The following KCNB2 variants were observed in gnomAD, a reference collection of about 807,000 sequenced individuals.
The protein encoded by KCNB2 is delayed rectifier potassium channel protein.
In KCNB2, 15 loss-of-function variants were observed where a neutral mutation model predicts 61.5. The ratio of observed to expected loss-of-function variants is 0.24; its 90% confidence interval spans 0.16 to 0.38. The LOEUF is 0.38. Ranked by LOEUF, KCNB2 falls within the 10% of genes least tolerant of loss-of-function variation. The pLI is 1.00. For missense variants in KCNB2, 828 were observed against 1,125.2 expected, an observed-to-expected ratio of 0.74 and a Z score of 3.78; for synonymous variants, 457 against 446.0, an observed-to-expected ratio of 1.02 and a Z score of -0.31.
At chr8:72,892,710 C>G (rs1306141327) in intron 2 of KCNB2, among the ~76,000 whole-genome samples, 1 of 152,142 alleles carries the variant, frequency 6.6e-6, no homozygotes, top group Non-Finnish European at 1.5e-5. Context: ...CCGTTTCCTT[C>G]TCCTATACTA....
intron 2 of KCNB2, among the ~76,000 whole-genome samples, chr8:72,712,453 G>T (rs1243106280): frequency 2.0e-5 from 3 of 152,172 alleles, no homozygotes; most frequent in Non-Finnish European, 4.4e-5. Flanking sequence ...TCTATGGGCT[G>T]GTCCTGTGAC....
At chr8:72,925,272 T>G (rs1473582035) in intron 2 of KCNB2, among the ~76,000 whole-genome samples, 2 of 152,214 alleles carry the variant, frequency 1.3e-5, no homozygotes, top group Non-Finnish European at 2.9e-5. Context: ...AATGGCACTT[T>G]AATTCTGGAA....
chr8:72,632,726 G>A (rs1229082628), intron 2 of KCNB2, among the ~76,000 whole-genome samples: 2 of 152,146 alleles, frequency 1.3e-5, no homozygotes, highest in Non-Finnish European at 2.9e-5. Flanking sequence ...CAGAACCAAT[G>A]CTGTTAATGG....
chr8:72,654,590 A>T (rs1310795819), intron 2 of KCNB2, among the ~76,000 whole-genome samples: 3 of 152,172 alleles, frequency 2.0e-5, no homozygotes, highest in Admixed American at 2.0e-4. Context: ...AAACAATAAA[A>T]TGATAGGTAC....
chr8:72,603,851 A>G (rs939730635), intron 2 of KCNB2, among the ~76,000 whole-genome samples: 3 of 152,176 alleles, frequency 2.0e-5, no homozygotes, highest in African/African-American at 7.2e-5. Context: ...AGACACAGGG[A>G]GCATGCCATA....
At chr8:72,796,199 T>C (rs1809028676) in intron 2 of KCNB2, among the ~76,000 whole-genome samples, 1 of 152,194 alleles carries the variant, frequency 6.6e-6, no homozygotes. Flanking sequence ...GGTTTGTTTG[T>C]CGTGGGGTGA....
chr8:72,652,050 C>G (rs1292086364), intron 2 of KCNB2, among the ~76,000 whole-genome samples: 3 of 152,082 alleles, frequency 2.0e-5, no homozygotes, highest in Non-Finnish European at 4.4e-5. Context: ...AATTTCATCT[C>G]CATAATCTAC....
At chr8:72,909,616 T>C (rs1806248062) in intron 2 of KCNB2, among the ~76,000 whole-genome samples, 1 of 151,752 alleles carries the variant, frequency 6.6e-6, no homozygotes, top group Non-Finnish European at 1.5e-5. Context: ...GAGCAAGAAA[T>C]GGGAGGAAAG....
intron 2 of KCNB2, among the ~76,000 whole-genome samples, chr8:72,666,595 T>C (rs774753298): frequency 5.9e-5 from 9 of 152,054 alleles, no homozygotes; most frequent in Non-Finnish European, 1.0e-4. Context: ...CAGTAAGTTG[T>C]CTGAAATGTG....
intron 1 of KCNB2, among the ~76,000 whole-genome samples, chr8:72,540,534 A>G (rs1269759700): frequency 6.6e-6 from 1 of 152,038 alleles, no homozygotes; most frequent in African/African-American, 2.4e-5. Context: ...TTTTAAGGCT[A>G]GAGATTATGG....
chr8:72,622,307 G>A (rs534188843), intron 2 of KCNB2, among the ~76,000 whole-genome samples: 4 of 152,070 alleles, frequency 2.6e-5, no homozygotes, highest in African/African-American at 7.2e-5. Context: ...TCTGTAACTA[G>A]TCTTCTCAAT....
intron 2 of KCNB2, among the ~76,000 whole-genome samples, chr8:72,890,496 C>A (rs141169119): frequency 9.3e-4 from 141 of 152,336 alleles, no homozygotes; most frequent in Middle Eastern, 3.4e-3. Flanking sequence ...AGACAGTGCT[C>A]TTCAGACCTG....
At chr8:72,785,856 C>T (rs1181490228) in intron 2 of KCNB2, among the ~76,000 whole-genome samples, 1 of 152,036 alleles carries the variant, frequency 6.6e-6, no homozygotes, top group African/African-American at 2.4e-5. Flanking sequence ...GGTTTAGGTG[C>T]TGAATGAGAC....
At chr8:72,785,483 G>A (rs975997538) in intron 2 of KCNB2, among the ~76,000 whole-genome samples, 9 of 152,156 alleles carry the variant, frequency 5.9e-5, no homozygotes, top group Non-Finnish European at 1.3e-4. Context: ...TCTCTGGAAA[G>A]AAAATAAAGT....
chr8:72,893,848 A>G (rs1168978675), intron 2 of KCNB2, among the ~76,000 whole-genome samples: 2 of 152,184 alleles, frequency 1.3e-5, no homozygotes, highest in Non-Finnish European at 2.9e-5. Flanking sequence ...TGACAATGTA[A>G]AATTAGGTTT....
chr8:72,703,704 G>A (rs1478479559), intron 2 of KCNB2, among the ~76,000 whole-genome samples: 1 of 152,088 alleles, frequency 6.6e-6, no homozygotes, highest in Non-Finnish European at 1.5e-5. Context: ...CTACTATAAA[G>A]AATAGCTACT....
intron 2 of KCNB2, among the ~76,000 whole-genome samples, chr8:72,606,196 G>T (rs1585780326): frequency 6.6e-6 from 1 of 152,060 alleles, no homozygotes; most frequent in African/African-American, 2.4e-5. Flanking sequence ...GGAATAATAA[G>T]AAATTCACAG....
At chr8:72,677,856 T>C (rs1806686831) in intron 2 of KCNB2, among the ~76,000 whole-genome samples, 1 of 152,200 alleles carries the variant, frequency 6.6e-6, no homozygotes, top group Admixed American at 6.5e-5. Flanking sequence ...ATGCTCTGAA[T>C]CTACATTCAT....
At chr8:72,587,605 C>A (rs1807020226) in intron 2 of KCNB2, among the ~76,000 whole-genome samples, 2 of 152,018 alleles carry the variant, frequency 1.3e-5, no homozygotes, top group Admixed American at 1.3e-4. Context: ...TGTCCTGTGC[C>A]TGCAGTCCAG....
Sources: allele counts gnomAD v4.1 joint callset (sites outside exome capture counted in the v4.1 genomes callset), GRCh38; gene constraint gnomAD v4.1.1; transcripts MANE v1.5; gene names NCBI Gene and HGNC (gene_info 2026-07-23, HGNC 2026-07-21).